Variants in CNTN5 observed in about 807,000 individuals in gnomAD.
The protein encoded by CNTN5 is contactin 5, also known as contactin-5.
Under a neutral mutation model 129.1 loss-of-function variants are expected in CNTN5, and 77 were observed. The observed-to-expected ratio is 0.60, with a 90% confidence interval of 0.50 to 0.72. The LOEUF is 0.72. Among genes scored for constraint, CNTN5 ranks in the 30% least tolerant of loss-of-function variants. The probability of loss-of-function intolerance (pLI) is 0.00; values close to 1 mark genes in which losing one functional copy is unlikely to be tolerated. For missense variants in CNTN5, 1,478 were observed against 1,328.8 expected (o/e 1.11, Z -1.75); for synonymous variants, 509 against 465.6 (o/e 1.09, Z -1.20).
At chr11:99,769,653 A>G (rs1276107455) in intron 3 of CNTN5, among the ~76,000 whole-genome samples, 1 of 152,062 alleles carries the variant, frequency 6.6e-6, no homozygotes, top group Non-Finnish European at 1.5e-5. Context: ...CCTGGGAAAC[A>G]TAGCGAAACC....
intron 6 of CNTN5, among the ~76,000 whole-genome samples, chr11:99,879,357 C>T (rs1948714301): frequency 6.6e-6 from 1 of 152,164 alleles, no homozygotes; most frequent in African/African-American, 2.4e-5. Flanking sequence ...ATGAAAGCTT[C>T]TCTTCCCTGT....
chr11:99,103,355 A>G (rs1041229625), intron 1 of CNTN5, among the ~76,000 whole-genome samples: 1 of 152,220 alleles, frequency 6.6e-6, no homozygotes, highest in Non-Finnish European at 1.5e-5. Context: ...GTGGGCATTC[A>G]ATAAATATCC....
At chr11:100,261,198 T>C (rs1291352941) in intron 17 of CNTN5, among the ~76,000 whole-genome samples, 2 of 152,040 alleles carry the variant, frequency 1.3e-5, no homozygotes, top group Admixed American at 6.6e-5. Context: ...CCATTCACAA[T>C]TGCCACAAAC....
intron 17 of CNTN5, among the ~76,000 whole-genome samples, chr11:100,270,224 A>G (rs1950385181): frequency 6.6e-6 from 1 of 152,220 alleles, no homozygotes; most frequent in African/African-American, 2.4e-5. Flanking sequence ...ACCTTTCAGA[A>G]GAGATTTTCA....
intron 1 of CNTN5, among the ~76,000 whole-genome samples, chr11:99,306,359 A>G (rs555935865): frequency 2.1e-4 from 31 of 146,356 alleles, no homozygotes; most frequent in African/African-American, 8.2e-4. Flanking sequence ...GCATTCACAC[A>G]AAAAAATGAG....
chr11:99,042,266 G>T (rs11218162), intron 1 of CNTN5, among the ~76,000 whole-genome samples: 1 of 150,506 alleles, frequency 6.6e-6, no homozygotes, highest in East Asian at 2.0e-4. Context: ...AATACCTAAC[G>T]TAGATGACGG....
chr11:99,034,282 A>G (rs1863576903), intron 1 of CNTN5, among the ~76,000 whole-genome samples: 1 of 152,198 alleles, frequency 6.6e-6, no homozygotes, highest in East Asian at 1.9e-4. Flanking sequence ...TGCTGGCCTC[A>G]TACAATGAGT....
chr11:99,721,323 A>G (rs953213530), intron 3 of CNTN5, among the ~76,000 whole-genome samples: 1 of 152,150 alleles, frequency 6.6e-6, no homozygotes, highest in African/African-American at 2.4e-5. Flanking sequence ...ACCAGAAATA[A>G]GGCCACACAT....
At chr11:99,482,712 C>G (rs1335849437) in intron 2 of CNTN5, among the ~76,000 whole-genome samples, 2 of 151,986 alleles carry the variant, frequency 1.3e-5, no homozygotes, top group South Asian at 2.1e-4. Context: ...AGGAGAAAAC[C>G]TAGAAGAACT....
At chr11:99,633,509 C>A (rs905800883) in intron 3 of CNTN5, among the ~76,000 whole-genome samples, 1 of 152,128 alleles carries the variant, frequency 6.6e-6, no homozygotes, top group Admixed American at 6.6e-5. Context: ...GCAAGATCAT[C>A]TACCAGGTAC....
chr11:100,289,758 A>G (rs1252428577), intron 18 of CNTN5, among the ~76,000 whole-genome samples: 1 of 150,744 alleles, frequency 6.6e-6, no homozygotes, highest in Non-Finnish European at 1.5e-5. Flanking sequence ...AGTTCTGGCC[A>G]GGGCAATCAG....
intron 3 of CNTN5, among the ~76,000 whole-genome samples, chr11:99,797,444 C>T (rs1945980878): frequency 6.6e-6 from 1 of 152,052 alleles, no homozygotes; most frequent in Non-Finnish European, 1.5e-5. Flanking sequence ...TAAGAAATCA[C>T]TTTTTTGAAT....
At chr11:100,126,626 T>A (rs551792492) in intron 13 of CNTN5, among the ~76,000 whole-genome samples, 1 of 152,292 alleles carries the variant, frequency 6.6e-6, no homozygotes, top group African/African-American at 2.4e-5. Context: ...GTTTTCCTTT[T>A]GCAAGGTAGA....
chr11:99,864,349 C>T (rs908517566), intron 6 of CNTN5, among the ~76,000 whole-genome samples: 5 of 152,176 alleles, frequency 3.3e-5, no homozygotes, highest in African/African-American at 1.2e-4. Context: ...TCCTGCCACT[C>T]ACTCTCTGCT....
chr11:100,317,454 A>G (rs1231152693), intron 21 of CNTN5, among the ~76,000 whole-genome samples: 1 of 152,242 alleles, frequency 6.6e-6, no homozygotes, highest in African/African-American at 2.4e-5. Context: ...TATTAATACT[A>G]CATTAAAGTA....
At chr11:99,253,769 A>G (rs1591426377) in intron 1 of CNTN5, among the ~76,000 whole-genome samples, 2 of 151,550 alleles carry the variant, frequency 1.3e-5, no homozygotes, top group South Asian at 2.1e-4. Flanking sequence ...CCTCGTGTGC[A>G]TATATGCAGT....
intron 13 of CNTN5, among the ~76,000 whole-genome samples, chr11:100,174,510 A>G (rs7119230): frequency 0.22 from 33,358 of 152,062 alleles, 4,256 homozygotes; most frequent in Middle Eastern, 0.3. Context: ...ACAAAATCCT[A>G]TAAAATGGAA....
chr11:100,127,667 T>G (rs1005908858), intron 13 of CNTN5, among the ~76,000 whole-genome samples: 9 of 138,172 alleles, frequency 6.5e-5, no homozygotes, highest in African/African-American at 2.5e-4. Context: ...TTTTTTTTTT[T>G]TTTTTTTTGA....
intron 3 of CNTN5, among the ~76,000 whole-genome samples, chr11:99,805,188 T>C (rs1418309735): frequency 6.6e-6 from 1 of 152,176 alleles, no homozygotes; most frequent in Admixed American, 6.5e-5. Context: ...CATGGAATTG[T>C]GGAGTATAGA....
Sources: allele counts gnomAD v4.1 joint callset (sites outside exome capture counted in the v4.1 genomes callset), GRCh38; gene constraint gnomAD v4.1.1; transcripts MANE v1.5; gene names NCBI Gene and HGNC (gene_info 2026-07-23, HGNC 2026-07-21).